The following SHC3 variants were observed in gnomAD, a reference collection of about 807,000 sequenced individuals.
The protein encoded by SHC3 is SHC-transforming protein 3.
SHC3 carries 15 observed loss-of-function variants against 60.4 expected under a neutral mutation model. The ratio of observed to expected loss-of-function variants is 0.25; its 90% CI spans 0.17 to 0.38. SHC3 has a LOEUF of 0.38. Ranked by LOEUF, SHC3 falls within the 10% of genes least tolerant of loss-of-function variation. The pLI is 1.00. For missense variants in SHC3, 677 were observed against 786.1 expected, an observed-to-expected ratio of 0.86 and a Z score of 1.66; for synonymous variants, 294 against 325.9, an observed-to-expected ratio of 0.90 and a Z score of 1.05.
At chr9:89,123,522 T>C (rs376035161) in intron 1 of SHC3, among the ~76,000 whole-genome samples, 2 of 152,310 alleles carry the variant, frequency 1.3e-5, no homozygotes, top group East Asian at 1.9e-4. Flanking sequence ...ATGTTCATCA[T>C]TGAAATCCAT....
intron 7 of SHC3, among the ~76,000 whole-genome samples, chr9:89,051,119 C>T (rs141690175): frequency 3.2e-4 from 48 of 152,244 alleles, no homozygotes; most frequent in African/African-American, 1.1e-3. Flanking sequence ...AAGAAGTCTT[C>T]ATAATCATAA....
intron 6 of SHC3, among the ~76,000 whole-genome samples, 186 bp from the exon 7 acceptor site, chr9:89,052,349 T>C (rs1418080346): frequency 1.3e-5 from 2 of 152,242 alleles, no homozygotes; most frequent in African/African-American, 4.8e-5. Context: ...CATCTCACAA[T>C]AGGCATGCAT....
chr9:89,052,618 A>T (rs754155355), intron 6 of SHC3, among the ~76,000 whole-genome samples: 1 of 152,224 alleles, frequency 6.6e-6, no homozygotes, highest in Non-Finnish European at 1.5e-5. Flanking sequence ...TGATTTATTC[A>T]GTGGACTTAG....
rs74993759 is a variant in SHC3, at chr9:89,147,862, C to T, written c.474+30125G>A. On this transcript the variant is annotated intron_variant, in intron 1 of 11. Transcript: ENST00000375835. The stretch of plus-strand genomic sequence containing the variant: ...ATGTTGAGTCGGTGTCAGCCTTGCC[C>T]CATCACCCAGACACCCAGCACAGGC... Among the ~76,000 whole-genome samples, 11 of 152,290 alleles carry T rather than the reference C, an allele frequency of 7.2e-5. No individual in the cohort carries two copies. The East Asian group carries it at 2.1e-3, about 29-fold the overall frequency.
At chr9:89,166,510 C>T (rs1016488393) in intron 1 of SHC3, among the ~76,000 whole-genome samples, 17 of 152,206 alleles carry the variant, frequency 1.1e-4, no homozygotes, top group African/African-American at 3.9e-4. Flanking sequence ...GGAGAAAACG[C>T]TTCAAGGCCG....
intron 11 of SHC3, among the ~76,000 whole-genome samples, chr9:89,036,604 CG>C (rs1824582893): frequency 6.6e-6 from 1 of 152,142 alleles, no homozygotes; most frequent in African/African-American, 2.4e-5. Flanking sequence ...GCATACGTGA[CG>C]GGCCCCAGGC....
intron 1 of SHC3, among the ~76,000 whole-genome samples, chr9:89,120,459 A>C (rs1265463501): frequency 6.6e-6 from 1 of 152,224 alleles, no homozygotes; most frequent in Non-Finnish European, 1.5e-5. Context: ...ATACATCTGT[A>C]AAGACTAGTA....
intron 7 of SHC3, among the ~76,000 whole-genome samples, chr9:89,050,278 G>A (rs573055410): frequency 1.3e-5 from 2 of 152,120 alleles, no homozygotes; most frequent in East Asian, 1.9e-4. Flanking sequence ...GCATTTTTTT[G>A]TTGTTGTTTG....
At position 89,010,808 on chromosome 9, in the gene SHC3, G is replaced by C. The variant is rs898453634; in HGVS notation, c.*2639C>G. ...ACAGGGAGGAGCCTCCATTGCTTTT[G>C]CCTTGGAATCCTGAGCTCAAAGCAC... On this transcript the variant is annotated 3_prime_UTR_variant, in exon 12 of 12. Transcript: ENST00000375835. 7.9e-5 allele frequency: 12 copies of C among 152,400 alleles called. No individual in the cohort carries two copies. Among genetic ancestry groups the C allele is most frequent in the African/African-American group, 2.9e-4 (12 of 41,466 alleles). 9.4% of individuals were successfully genotyped at this position (152,400 alleles called of 1,614,324 possible). A position where few individuals can be genotyped will look rare whatever the true frequency, so the allele number is the denominator to read the frequency against.
At chr9:89,049,072 T>C (rs1352888455) in intron 7 of SHC3, among the ~76,000 whole-genome samples, 2 of 152,100 alleles carry the variant, frequency 1.3e-5, no homozygotes, top group African/African-American at 4.8e-5. Context: ...CCATCCTGGC[T>C]AACACGGTGA....
intron 2 of SHC3, among the ~76,000 whole-genome samples, chr9:89,107,768 C>A (rs1825885165): frequency 6.6e-6 from 1 of 152,194 alleles, no homozygotes; most frequent in East Asian, 1.9e-4. Flanking sequence ...CATGACTGCT[C>A]TCTGTTCTAA....
At chr9:89,059,144 G>GA (rs1825015315) in intron 6 of SHC3, among the ~76,000 whole-genome samples, 1 of 144,442 alleles carries the variant, frequency 6.9e-6, no homozygotes, top group Non-Finnish European at 1.5e-5. Flanking sequence ...GGTGGAGGAT[G>GA]TGGTGGAGGA....
intron 1 of SHC3, among the ~76,000 whole-genome samples, chr9:89,174,757 C>T (rs1826918467): frequency 6.6e-6 from 1 of 152,228 alleles, no homozygotes; most frequent in Non-Finnish European, 1.5e-5. Context: ...TCCAGCCTCG[C>T]CCCTCCAGCA....
At chr9:89,072,184 T>C (rs1825284872) in intron 4 of SHC3, among the ~76,000 whole-genome samples, 1 of 152,202 alleles carries the variant, frequency 6.6e-6, no homozygotes, top group African/African-American at 2.4e-5. Flanking sequence ...GTTTTCATTA[T>C]TAAAATAGCC....
chr9:89,137,903 T>C (rs932275977), intron 1 of SHC3, among the ~76,000 whole-genome samples: 21 of 152,302 alleles, frequency 1.4e-4, no homozygotes, highest in African/African-American at 4.6e-4. Flanking sequence ...CAGCCCATAG[T>C]ACAAAGACAA....
chr9:89,134,970 A>G (rs1344997541), intron 1 of SHC3, among the ~76,000 whole-genome samples: 1 of 152,160 alleles, frequency 6.6e-6, no homozygotes, highest in Admixed American at 6.6e-5. Context: ...GCCTTTAGCA[A>G]TTGAGTAAAG....
chr9:89,091,968 A>G lies in SHC3; in HGVS notation c.546-14065T>C, dbSNP rs139123315. 3.4e-3 allele frequency among the ~76,000 whole-genome samples: 522 copies of G among 152,364 alleles called. 1 individual carries two copies. Among genetic ancestry groups the G allele is most frequent in the Non-Finnish European group, 5.5e-3 (375 of 68,036 alleles). On this transcript the variant is annotated intron_variant, in intron 2 of 11. Transcript: ENST00000375835. ...GGTAAGTGAAGTGAACAGGTAATTCATAAGAAAGAAAATGAAACCAGACAG... is the reference window on the plus strand; with the variant it reads ...GGTAAGTGAAGTGAACAGGTAATTCGTAAGAAAGAAAATGAAACCAGACAG...
intron 6 of SHC3, among the ~76,000 whole-genome samples, chr9:89,055,090 T>C (rs1401823291): frequency 6.6e-6 from 1 of 152,270 alleles, no homozygotes; most frequent in Non-Finnish European, 1.5e-5. Flanking sequence ...AGTCACACTG[T>C]AGTAGCTGGG....
intron 6 of SHC3, among the ~76,000 whole-genome samples, chr9:89,057,173 C>A (rs1824965978): frequency 6.6e-6 from 1 of 152,208 alleles, no homozygotes; most frequent in Non-Finnish European, 1.5e-5. Context: ...GAGCTGATAA[C>A]CCACACACCT....
Sources: allele counts gnomAD v4.1 joint callset (sites outside exome capture counted in the v4.1 genomes callset), GRCh38; gene constraint gnomAD v4.1.1; transcripts MANE v1.5; gene names NCBI Gene and HGNC (gene_info 2026-07-23, HGNC 2026-07-21).